Variants in DNAJC15 observed in about 807,000 individuals in gnomAD.
The protein encoded by DNAJC15 is dnaJ homolog subfamily C member 15.
Under a neutral mutation model 22.4 loss-of-function variants are expected in DNAJC15, and 27 were observed. That is an observed-to-expected ratio of 1.20 (90% confidence interval 0.89 to 1.66). DNAJC15 has a LOEUF of 1.66. DNAJC15 is among the 40% of genes most tolerant of loss of function. The pLI, the probability that DNAJC15 is intolerant of heterozygous loss-of-function variation, is 0.00. For missense variants in DNAJC15, 208 were observed against 187.1 expected (o/e 1.11, Z -0.65); for synonymous variants, 79 against 63.2 (o/e 1.25, Z -1.19).
At chr13:43,078,133 G>A (rs2040643998) in intron 3 of DNAJC15, among the ~76,000 whole-genome samples, 1 of 152,124 alleles carries the variant, frequency 6.6e-6, no homozygotes, top group African/African-American at 2.4e-5. Flanking sequence ...CTCTCCAGCA[G>A]CATTGAAACC....
chr13:43,024,283 C>G (rs1394827812), intron 1 of DNAJC15, among the ~76,000 whole-genome samples: 1 of 148,042 alleles, frequency 6.8e-6, no homozygotes, highest in Admixed American at 6.8e-5. Context: ...AAGGAAGGGT[C>G]TAACAGAAAA....
At chr13:43,098,495 C>G (rs2040751937) in intron 5 of DNAJC15, among the ~76,000 whole-genome samples, 1 of 152,172 alleles carries the variant, frequency 6.6e-6, no homozygotes, top group Admixed American at 6.6e-5. Flanking sequence ...CTCTAATGAT[C>G]TGATAAACCG....
At chr13:43,056,400 A>G (rs903384372) in intron 1 of DNAJC15, among the ~76,000 whole-genome samples, 1 of 152,166 alleles carries the variant, frequency 6.6e-6, no homozygotes, top group Non-Finnish European at 1.5e-5. Flanking sequence ...AGCTTCCCAA[A>G]GTGCTGGGGT....
intron 5 of DNAJC15, among the ~76,000 whole-genome samples, chr13:43,103,955 G>A (rs1256501896): frequency 2.0e-5 from 3 of 151,948 alleles, no homozygotes; most frequent in Non-Finnish European, 2.9e-5. Flanking sequence ...CAATGTCAGC[G>A]TTATTTTTGA....
chr13:43,049,879 ATAT>A (rs1163491269), intron 1 of DNAJC15, among the ~76,000 whole-genome samples: 1 of 152,198 alleles, frequency 6.6e-6, no homozygotes, highest in Non-Finnish European at 1.5e-5. Context: ...GAAACAATTC[ATAT>A]TATTCTGGGC....
At chr13:43,048,167 G>A (rs2040485939) in intron 1 of DNAJC15, among the ~76,000 whole-genome samples, 1 of 152,298 alleles carries the variant, frequency 6.6e-6, no homozygotes, top group African/African-American at 2.4e-5. Context: ...TTTGACAAGT[G>A]TACTCTAAAG....
chr13:43,107,247 G>A lies in DNAJC15; in HGVS notation c.452G>A (p.Ter151=). The A allele has an allele frequency of 6.4e-7, 1 of 1,573,896 alleles. No homozygotes were observed. Among genetic ancestry groups the A allele is most frequent in the Non-Finnish European group, 8.6e-7 (1 of 1,163,368 alleles). ...KDLLETTTKH[*] ...TTGCTAGAAACAACCACCAAACATT[G>A]ATGCTTAAGGACCACACTGAAGGAA... Residue 151 remains the stop codon, a stop_retained_variant, in exon 6 of 6, where the codon TGA becomes TAA. Transcript: ENST00000379221.
At chr13:43,050,687 GTTTTA>G (rs761881509) in intron 1 of DNAJC15, among the ~76,000 whole-genome samples, 49 of 152,166 alleles carry the variant, frequency 3.2e-4, no homozygotes, top group Non-Finnish European at 6.0e-4. Flanking sequence ...TGCTCAAAAA[GTTTTA>G]TTTTAATATC....
intron 1 of DNAJC15, among the ~76,000 whole-genome samples, chr13:43,030,683 A>G (rs935123111): frequency 6.6e-6 from 1 of 152,084 alleles, no homozygotes; most frequent in Non-Finnish European, 1.5e-5. Flanking sequence ...TCAAATACGC[A>G]TTTTTTCCTC....
In DNAJC15 at chr13:43,092,272, C is replaced by T. The variant is rs367839995; in HGVS notation, c.382+6434C>T. On this transcript the variant is annotated intron_variant, in intron 5 of 5. Transcript: ENST00000379221. ...CTTTTTGCCATAAAGCCTACCTTAT[C>T]GAAAATATGTATAGCTGTACCACCT... Among the ~76,000 whole-genome samples, 67 of 152,154 alleles carry T rather than the reference C, an allele frequency of 4.4e-4. 1 individual carries two copies. The East Asian group carries it at 0.011, about 25-fold the overall frequency.
chr13:43,094,453 T>G (rs1480997126), intron 5 of DNAJC15, among the ~76,000 whole-genome samples: 1 of 152,226 alleles, frequency 6.6e-6, no homozygotes, highest in Non-Finnish European at 1.5e-5. Context: ...GATTCTAATG[T>G]ACACTAATGT....
intron 1 of DNAJC15, among the ~76,000 whole-genome samples, chr13:43,044,980 A>G (rs2040469659): frequency 6.6e-6 from 1 of 152,186 alleles, no homozygotes; most frequent in Non-Finnish European, 1.5e-5. Context: ...AATTGAAATA[A>G]TCTTAGGCCT....
chr13:43,081,445 AT>A (rs11384038), intron 4 of DNAJC15, among the ~76,000 whole-genome samples: 25 of 148,852 alleles, frequency 1.7e-4, no homozygotes, highest in Middle Eastern at 3.4e-3. Context: ...CACATTTATG[AT>A]TTTTTTTTTT....
intron 1 of DNAJC15, among the ~76,000 whole-genome samples, chr13:43,048,630 A>G (rs1049367044): frequency 6.6e-6 from 1 of 152,374 alleles, no homozygotes; most frequent in South Asian, 2.1e-4. Context: ...AATTTGATGT[A>G]AGTAGAATGT....
intron 1 of DNAJC15, among the ~76,000 whole-genome samples, 157 bp downstream of exon 1, chr13:43,023,891 C>T (rs758625701): frequency 6.6e-6 from 1 of 152,250 alleles, no homozygotes; most frequent in East Asian, 1.9e-4. Context: ...CCGCTTTGTG[C>T]TGGGCTTTGA....
chr13:43,080,723 A>G (rs778769952), intron 4 of DNAJC15, among the ~76,000 whole-genome samples: 1 of 152,262 alleles, frequency 6.6e-6, no homozygotes, highest in Non-Finnish European at 1.5e-5. Context: ...TTGGAATAAT[A>G]TAAGAATGAT....
intron 3 of DNAJC15, among the ~76,000 whole-genome samples, chr13:43,076,815 C>T (rs928114998): frequency 5.9e-5 from 9 of 152,206 alleles, no homozygotes; most frequent in Non-Finnish European, 5.9e-5. Context: ...CAGCTCTTCT[C>T]AGTTTTTGAT....
At chr13:43,024,123 C>A (rs1425249643) in intron 1 of DNAJC15, among the ~76,000 whole-genome samples, 1 of 152,086 alleles carries the variant, frequency 6.6e-6, no homozygotes, top group Admixed American at 6.6e-5. Flanking sequence ...AAATTAAGAT[C>A]TGAATGAATA....
intron 5 of DNAJC15, among the ~76,000 whole-genome samples, chr13:43,100,050 T>G (rs1450599125): frequency 1.3e-5 from 2 of 152,118 alleles, no homozygotes; most frequent in Non-Finnish European, 2.9e-5. Context: ...AGTCTCTTGT[T>G]GCAGGAATAT....
Sources: allele counts gnomAD v4.1 joint callset (sites outside exome capture counted in the v4.1 genomes callset), GRCh38; gene constraint gnomAD v4.1.1; transcripts MANE v1.5; gene names NCBI Gene and HGNC (gene_info 2026-07-23, HGNC 2026-07-21).